The following LINGO3 variants were observed in gnomAD, a reference collection of about 807,000 sequenced individuals.
LINGO3 encodes leucine-rich repeat and immunoglobulin-like domain-containing nogo receptor-interacting protein 3.
For missense variants in LINGO3, 750 were observed against 867.7 expected, an observed-to-expected ratio of 0.86 and a Z score of 1.70; for synonymous variants, 427 against 444.2, an observed-to-expected ratio of 0.96 and a Z score of 0.49.
chr19:2,301,979 C>T, the LINGO3 span, among the ~76,000 whole-genome samples: 2 of 149,378 alleles, frequency 1.3e-5, no homozygotes, highest in African/African-American at 2.4e-5. Context: ...ACCAGTTGCC[C>T]TTCGATGAAC....
At chr19:2,300,023 C>T in the LINGO3 span, among the ~76,000 whole-genome samples, 6 of 95,888 alleles carry the variant, frequency 6.3e-5, no homozygotes, top group South Asian at 4.5e-4. Flanking sequence ...TGCCTGGCCT[C>T]TTTTTTTTTT....
chr19:2,292,834 G>A (rs191455930), upstream of LINGO3, among the ~76,000 whole-genome samples: 9 of 152,148 alleles, frequency 5.9e-5, no homozygotes, highest in African/African-American at 9.6e-5. Context: ...CACAGCGCAC[G>A]GAAAACCTGG....
rs1330141333 is a variant in LINGO3, at chr19:2,291,842, G to A, written c.-66C>T. 2.2e-6 allele frequency: 3 copies of A among 1,374,598 alleles called. No individual in the cohort carries two copies. The highest frequency in any genetic ancestry group is 1.5e-5 in the African/African-American group (1 of 66,768). The allele number at this position is 1,374,598 out of a possible 1,614,324, so 85.2% of individuals were successfully genotyped here. A position where few individuals can be genotyped will look rare whatever the true frequency, so the allele number is the denominator to read the frequency against. On this transcript the variant is annotated 5_prime_UTR_variant, in exon 1 of 1. Transcript: ENST00000585527. ...GCGCACCTGCGGGCGGGCGGGGAGC[G>A]GGCAGCGTTAGCACCGTTAGCACCC...
At chr19:2,301,512 C>A in the LINGO3 span, among the ~76,000 whole-genome samples, 1 of 152,082 alleles carries the variant, frequency 6.6e-6, no homozygotes, top group Admixed American at 6.6e-5. Context: ...GCACACAGTG[C>A]GCCTCCAGTT....
chr19:2,291,638 C>G, exon 1 of LINGO3: 1 of 1,438,184 alleles, frequency 7.0e-7, no homozygotes, highest in African/African-American at 1.5e-5. Context: ...TCGGGCACGG[C>G]GGTCAGGCGG....
At position 2,290,549 on chromosome 19, in the gene LINGO3, G is replaced by T. The variant is rs1325917414; in HGVS notation, c.1228C>A (p.Arg410=). The T allele has an allele frequency of 3.9e-6, 6 of 1,532,408 alleles. No individual in the cohort carries two copies. In the Middle Eastern group the frequency reaches 6.7e-4, roughly 171 times the overall value. 94.9% of individuals were successfully genotyped at this position (1,532,408 alleles called of 1,614,324 possible). The change falls in exon 1 of 1, where the codon CGG becomes AGG. Residue 410 remains arginine (R), a synonymous_variant. Transcript: ENST00000585527. This position sits in a 1 kb window ranked among gnomAD's most constrained non-coding sequence, Gnocchi z 6.0. ...GTGACGCGCTGCAGCCGCCGCTCCC[G>T]GATCTTGGGTTTGCGGCACACGAAG...
chr19:2,297,602 C>CTT, the LINGO3 span, among the ~76,000 whole-genome samples: 9 of 130,970 alleles, frequency 6.9e-5, no homozygotes, highest in East Asian at 2.2e-4. Context: ...CGCACCCGGC[C>CTT]TTTTTTTTTT....
At chr19:2,300,322 G>A in the LINGO3 span, among the ~76,000 whole-genome samples, 2 of 152,170 alleles carry the variant, frequency 1.3e-5, no homozygotes, top group African/African-American at 2.4e-5. Context: ...ATGAGCCACT[G>A]CGCCCGGCCC....
chr19:2,302,176 C>T, the LINGO3 span, among the ~76,000 whole-genome samples: 3 of 149,202 alleles, frequency 2.0e-5, no homozygotes, highest in Admixed American at 6.7e-5. Flanking sequence ...ATTCTCCTGC[C>T]TCAGTCTCCT....
upstream of LINGO3, among the ~76,000 whole-genome samples, chr19:2,294,055 A>C (rs868067096): frequency 6.7e-6 from 1 of 149,062 alleles, no homozygotes; most frequent in Non-Finnish European, 1.5e-5. This position sits in a 1 kb window ranked among gnomAD's most constrained non-coding sequence, Gnocchi z 4.3. Context: ...GTCTCAAGGG[A>C]AAAAAAAAGG....
chr19:2,303,214 A>G, the LINGO3 span, among the ~76,000 whole-genome samples: 5 of 152,282 alleles, frequency 3.3e-5, no homozygotes, highest in South Asian at 6.2e-4. Context: ...CATCAATGCA[A>G]TCGGACTGGC....
At chr19:2,299,392 C>T in the LINGO3 span, among the ~76,000 whole-genome samples, 3 of 152,128 alleles carry the variant, frequency 2.0e-5, no homozygotes, top group African/African-American at 4.8e-5. Context: ...TGAATGCATC[C>T]GGTTGTCCTC....
At chr19:2,303,711 T>C in the LINGO3 span, among the ~76,000 whole-genome samples, 1 of 152,242 alleles carries the variant, frequency 6.6e-6, no homozygotes, top group East Asian at 1.9e-4. Context: ...CTGGAAAGTC[T>C]TGACTCTCGG....
chr19:2,289,054 G>T, downstream of LINGO3, among the ~76,000 whole-genome samples: 1 of 151,042 alleles, frequency 6.6e-6, no homozygotes, highest in African/African-American at 2.4e-5. Flanking sequence ...TGAGCTGAGT[G>T]TGTCCTGGGT....
In LINGO3 at chr19:2,290,691, C is replaced by T; in HGVS notation, c.1086G>A (p.Trp362Ter). ...TGAGGGTCTTGCGACGCTGCACGAT[C>T]CACAGCAGGCGACAGTCGCAGGCCA... is the stretch of plus-strand genomic sequence containing the variant. Residue 362 changes from tryptophan to a stop codon, truncating the protein, a stop_gained, in exon 1 of 1, where the codon TGG (tryptophan) becomes TGA (stop). Coordinates refer to ENST00000585527, the Ensembl canonical transcript of LINGO3. LOFTEE classifies it low-confidence loss of function (END_TRUNC). This position sits in a 1 kb window ranked among gnomAD's most constrained non-coding sequence, Gnocchi z 6.0. The T allele has an allele frequency of 1.2e-6, 2 of 1,611,450 alleles. No individual in the cohort carries two copies. Among genetic ancestry groups the T allele is most frequent in the Non-Finnish European group, 8.5e-7 (1 of 1,179,448 alleles).
chr19:2,295,976 C>T (rs969711946), upstream of LINGO3, among the ~76,000 whole-genome samples: 3 of 151,746 alleles, frequency 2.0e-5, no homozygotes, highest in African/African-American at 4.8e-5. Flanking sequence ...ATAGGAAACT[C>T]GAGGGAGGGA....
At chr19:2,292,179 C>A (rs1199491420), upstream of LINGO3, among the ~76,000 whole-genome samples, 1 of 133,594 alleles carries the variant, frequency 7.5e-6, no homozygotes, top group Non-Finnish European at 1.5e-5. Flanking sequence ...CACGGTGAGA[C>A]CCCTGTCTCT....
At chr19:2,289,942 C>T in exon 1 of LINGO3, 2 of 1,405,278 alleles carry the variant, frequency 1.4e-6, no homozygotes, top group South Asian at 2.8e-5. Context: ...CATAGGTGGA[C>T]ACGCGAGCGG....
the LINGO3 span, among the ~76,000 whole-genome samples, chr19:2,300,392 G>A: frequency 2.8e-4 from 43 of 151,976 alleles, no homozygotes; most frequent in African/African-American, 1.0e-3. Flanking sequence ...GGTCCTGGGG[G>A]AAGGCGACAC....
Sources: allele counts gnomAD v4.1 joint callset (sites outside exome capture counted in the v4.1 genomes callset), GRCh38; gene constraint gnomAD v4.1.1; non-coding constraint Gnocchi (gnomAD v3.1); transcripts MANE v1.5; gene names NCBI Gene and HGNC (gene_info 2026-07-23, HGNC 2026-07-21).